The following SACS variants were observed in gnomAD, a reference collection of about 807,000 sequenced individuals.
SACS encodes sacsin molecular chaperone.
A neutral mutation model predicts 348.0 loss-of-function variants in SACS; 197 were observed. That is an observed-to-expected ratio of 0.57 (90% confidence interval 0.50 to 0.64). The LOEUF (loss-of-function observed/expected upper bound fraction) is 0.64, where lower values mean the gene tolerates loss of function less well. Among genes scored for constraint, SACS ranks in the 30% least tolerant of loss-of-function variants. The pLI, the probability that SACS is intolerant of heterozygous loss-of-function variation, is 0.00. For missense variants in SACS, 4,999 were observed against 5,360.8 expected, an observed-to-expected ratio of 0.93 and a Z score of 2.11; for synonymous variants, 1,985 against 1,910.6, an observed-to-expected ratio of 1.04 and a Z score of -1.02.
At chr13:23,375,512 C>G (rs903888142) in intron 2 of SACS, 8 of 1,120,240 alleles carry the variant, frequency 7.1e-6, no homozygotes, top group Non-Finnish European at 8.7e-6. Flanking sequence ...GAGGAGGAAA[C>G]GCTAGAGGAA....
intron 9 of SACS, among the ~76,000 whole-genome samples, chr13:23,352,366 T>C (rs1407984640): frequency 6.6e-6 from 1 of 152,218 alleles, no homozygotes; most frequent in African/African-American, 2.4e-5. Flanking sequence ...TGGCTCCTTC[T>C]ATACAAAGCA....
chr13:23,423,389 T>C (rs1467184592), intron 1 of SACS, among the ~76,000 whole-genome samples: 4 of 152,160 alleles, frequency 2.6e-5, no homozygotes, highest in Non-Finnish European at 5.9e-5. Context: ...CCATAGGCTA[T>C]TAGGCCTATG....
chr13:23,410,983 C>T (rs1039617738), intron 2 of SACS, among the ~76,000 whole-genome samples: 14 of 152,234 alleles, frequency 9.2e-5, no homozygotes, highest in African/African-American at 3.4e-4. Flanking sequence ...ATTGCAATAG[C>T]CTCACCAGTA....
At chr13:23,419,816 A>G (rs1873848978) in intron 1 of SACS, among the ~76,000 whole-genome samples, 1 of 152,158 alleles carries the variant, frequency 6.6e-6, no homozygotes. Context: ...AAGAATATAT[A>G]TTCTTTGGGG....
chr13:23,377,244 G>A (rs1377170638), intron 2 of SACS, among the ~76,000 whole-genome samples: 2 of 152,152 alleles, frequency 1.3e-5, no homozygotes, highest in Non-Finnish European at 2.9e-5. Flanking sequence ...CTTAAAACCA[G>A]GTGAATTGTA....
Position 23,335,902 on chromosome 13 carries a change from G to A in SACS, c.7974C>T (p.Ala2658=). 1 of 1,613,154 alleles carries A rather than the reference G, an allele frequency of 6.2e-7. No homozygotes were observed. The highest frequency in any genetic ancestry group is 1.7e-4 in the Middle Eastern group (1 of 6,060). ...ACATGCGTCCGGGACTAATGGATGT[G>A]GCCCCTGGTGCATATCTGGCATGAG... ...FDPHARYAPG[A]TSISPGRMFR... The change falls in exon 10 of 10, where the codon GCC becomes GCT. Residue 2658 remains alanine (A), a synonymous_variant. Transcript: ENST00000382292. This position sits in a 1 kb window ranked among gnomAD's most constrained non-coding sequence, Gnocchi z 4.7.
intron 1 of SACS, among the ~76,000 whole-genome samples, 193 bp downstream of exon 1, chr13:23,433,422 G>A (rs970851029): frequency 2.6e-5 from 4 of 152,130 alleles, no homozygotes; most frequent in Non-Finnish European, 5.9e-5. Flanking sequence ...AGGCCCTCTC[G>A]TCTCTGTCCT....
rs763504656 is a variant in SACS at position 23,335,561 on chromosome 13, C to G, written c.8315G>C (p.Gly2772Ala). ...AAATTGTTTCCTTTTCAATCTGTCT[C>G]CATCTGTGATTTTGCCCTTTACTGA... is the stretch of plus-strand genomic sequence containing the variant. ...LYSVKGKITD[G>A]DRLKRKQFHA... The change falls in exon 10 of 10, where the codon GGA (glycine) becomes GCA (alanine). Residue 2772 changes from glycine (G) to alanine (A), a missense_variant. By Grantham distance (60) the Gly-to-Ala change is moderately conservative (BLOSUM62 0). Around this residue, in one of 6 missense-constraint regions of SACS, gnomAD observed 3,156 missense variants for 3,380.1 expected, o/e 0.93. Transcript: ENST00000382292. The surrounding 1 kb of genome is among the most constrained non-coding windows in gnomAD (Gnocchi z 4.7). 5.5e-5 allele frequency: 88 copies of G among 1,613,640 alleles called. No individual in the cohort carries two copies. Among genetic ancestry groups the G allele is most frequent in the Middle Eastern group, 3.3e-4 (2 of 6,084 alleles).
chr13:23,396,730 T>C (rs1593171726), intron 2 of SACS, among the ~76,000 whole-genome samples: 1 of 152,058 alleles, frequency 6.6e-6, no homozygotes, highest in African/African-American at 2.4e-5. Context: ...ATGCCTAACA[T>C]GTGTATGTTA....
intron 2 of SACS, among the ~76,000 whole-genome samples, chr13:23,399,876 C>A (rs1401023135): frequency 2.6e-5 from 4 of 152,100 alleles, no homozygotes; most frequent in Non-Finnish European, 4.4e-5. Flanking sequence ...AGCTTCCAAC[C>A]CTGCCATAAA....
chr13:23,415,275 AC>A (rs1026934479), intron 1 of SACS, among the ~76,000 whole-genome samples: 3 of 151,998 alleles, frequency 2.0e-5, no homozygotes, highest in African/African-American at 7.3e-5. Flanking sequence ...CAGGTGATCC[AC>A]CCACCTCAGC....
At chr13:23,371,238 A>T (rs911667039) in intron 3 of SACS, 73 bp from the exon 4 acceptor site, 1 of 867,268 alleles carries the variant, frequency 1.2e-6, no homozygotes, top group Admixed American at 2.8e-5. Flanking sequence ...ACATTATCTC[A>T]AATTTTTTCA....
intron 1 of SACS, among the ~76,000 whole-genome samples, chr13:23,412,739 A>G (rs1330545134): frequency 1.3e-5 from 2 of 152,120 alleles, no homozygotes; most frequent in Admixed American, 1.3e-4. Flanking sequence ...TTATGTGTAC[A>G]ATAATAACTC....
Position 23,341,153 on chromosome 13 carries a change from G to A in SACS, c.2723C>T (p.Ala908Val), listed in dbSNP as rs771198274. The A allele has an allele frequency of 4.3e-6, 7 of 1,613,230 alleles. No individual in the cohort carries two copies. In the South Asian group the frequency reaches 7.7e-5, roughly 18 times the overall value. ...THKDALRKFL[A>V]SLTDSSEKEK... The stretch of plus-strand genomic sequence containing the variant: ...TTTCTCACTGCTATCGGTTAAACTA[G>A]CCAAGAACTTCCTCAGGGCATCTTT... The change falls in exon 10 of 10, where the codon GCT becomes GTT. Residue 908 changes from alanine to valine, a missense_variant. By Grantham distance (64) the Ala-to-Val change is moderately conservative (BLOSUM62 0). Transcript: ENST00000382292.
intron 1 of SACS, among the ~76,000 whole-genome samples, chr13:23,416,494 A>G (rs1367690029): frequency 1.3e-5 from 2 of 152,174 alleles, no homozygotes; most frequent in Admixed American, 6.6e-5. Context: ...ACCGTGGTTC[A>G]CGCCTGTAAT....
intron 2 of SACS, among the ~76,000 whole-genome samples, chr13:23,409,363 T>G (rs550953763): frequency 9.7e-5 from 14 of 144,184 alleles, no homozygotes; most frequent in African/African-American, 3.4e-4. Flanking sequence ...CGTTTTTTTT[T>G]TTTTTTTTTT....
In SACS at chr13:23,339,663, C is replaced by T. The variant is rs1178466575; in HGVS notation, c.4213G>A (p.Val1405Ile). ...TCAAGTAAGTCATTAAGGTCATCAA[C>T]TTTAATGTCACAATAACAGCATTCG... is the stretch of plus-strand genomic sequence containing the variant. ...IHECCYCDIK[V>I]DDLNDLLEDS... The change falls in exon 10 of 10, where the codon GTT becomes ATT. Residue 1405 changes from valine (V) to isoleucine (I), a missense_variant. Physicochemically the swap from Val to Ile is conservative, Grantham distance 29 (BLOSUM62 3). Around this residue, in one of 6 missense-constraint regions of SACS, gnomAD observed 3,156 missense variants for 3,380.1 expected, o/e 0.93. Coordinates refer to ENST00000382292, the MANE Select transcript of SACS (RefSeq NM_014363.6). 6.2e-7 allele frequency: 1 copy of T among 1,613,798 alleles called. No individual in the cohort carries two copies. Among genetic ancestry groups the T allele is most frequent in the Admixed American group, 1.7e-5 (1 of 60,006 alleles).
intron 2 of SACS, among the ~76,000 whole-genome samples, chr13:23,380,143 G>GTT (rs1225247366): frequency 2.6e-5 from 4 of 151,286 alleles, no homozygotes; most frequent in Non-Finnish European, 4.4e-5. Flanking sequence ...GTGTGTGTGT[G>GTT]TGTGTGAGAG....
chr13:23,333,226 A>T lies in SACS; in HGVS notation c.10650T>A (p.Val3550=), dbSNP rs2137573236. ...FYDRTVRVFE[V]MLPEKLFIPN... is the part of the protein sequence containing the mutation. Reference sequence around the variant, plus strand: ...GAATAAACAATTTTTCAGGAAGCATAACTTCAAAAACTCTCACAGTTCTAT... The same window carrying T: ...GAATAAACAATTTTTCAGGAAGCATTACTTCAAAAACTCTCACAGTTCTAT... The change falls in exon 10 of 10, where the codon GTT becomes GTA. Residue 3550 remains valine (V), a synonymous_variant. Transcript: ENST00000382292. The T allele has an allele frequency of 3.8e-6, 6 of 1,597,760 alleles. No individual in the cohort carries two copies. The highest frequency in any genetic ancestry group is 5.1e-6 in the Non-Finnish European group (6 of 1,173,314).
Sources: allele counts gnomAD v4.1 joint callset (sites outside exome capture counted in the v4.1 genomes callset), GRCh38; gene constraint gnomAD v4.1.1; regional missense constraint gnomAD v4.1.1; non-coding constraint Gnocchi (gnomAD v3.1); transcripts MANE v1.5; gene names NCBI Gene and HGNC (gene_info 2026-07-23, HGNC 2026-07-21).